Variants in KAZN observed in about 807,000 individuals in gnomAD.
KAZN encodes kazrin, periplakin interacting protein.
KAZN carries 40 observed loss-of-function variants against 87.4 expected under a neutral mutation model. The observed-to-expected ratio is 0.46, with a 90% CI of 0.36 to 0.60. The LOEUF (loss-of-function observed/expected upper bound fraction) is 0.60. Among genes scored for constraint, KAZN ranks in the 20% least tolerant of loss-of-function variants. The probability of loss-of-function intolerance (pLI) is 0.00; values close to 1 mark genes in which losing one functional copy is unlikely to be tolerated. For synonymous variants in KAZN, 466 were observed against 458.3 expected (o/e 1.02, Z -0.22); for missense variants, 898 against 1,073.9 (o/e 0.84, Z 2.29).
intron 1 of KAZN, among the ~76,000 whole-genome samples, chr1:13,916,958 G>A (rs1333741652): frequency 3.9e-5 from 6 of 152,144 alleles, no homozygotes; most frequent in African/African-American, 1.4e-4. Flanking sequence ...CATGCTCCCT[G>A]GGTAACCATG....
chr1:14,359,075 C>G (rs1244560163), intron 2 of KAZN, among the ~76,000 whole-genome samples: 1 of 152,126 alleles, frequency 6.6e-6, no homozygotes, highest in Non-Finnish European at 1.5e-5. Flanking sequence ...TTGTAGGTCT[C>G]TAAGAACTTG....
chr1:14,909,622 G>A lies in KAZN; in HGVS notation c.227-51062G>A, dbSNP rs1657015214. ...ACTCTTGCCCCAGAGACTCTGCAGT[G>A]CACCCCAGAGTGCCCTGCTCTTCAA... On this transcript the variant is annotated intron_variant, in intron 1 of 14. Coordinates refer to ENST00000376030, the MANE Select transcript of KAZN (RefSeq NM_201628.3). Among the ~76,000 whole-genome samples the A allele has an allele frequency of 3.3e-5, 5 of 152,278 alleles. No homozygotes were observed. The South Asian group carries it at 1.0e-3, about 32-fold the overall frequency.
chr1:14,775,514 T>C (rs578161049), intron 1 of KAZN, among the ~76,000 whole-genome samples: 1 of 152,342 alleles, frequency 6.6e-6, no homozygotes, highest in Admixed American at 6.5e-5. Context: ...CGCCTTGTGA[T>C]GTGGACACAG....
At chr1:14,227,661 A>T (rs1399572863) in intron 2 of KAZN, among the ~76,000 whole-genome samples, 1 of 152,172 alleles carries the variant, frequency 6.6e-6, no homozygotes, top group African/African-American at 2.4e-5. Context: ...GGAGGCAGAG[A>T]GGATGTGAGT....
intron 1 of KAZN, among the ~76,000 whole-genome samples, chr1:14,793,091 G>A (rs920963920): frequency 6.6e-6 from 1 of 152,140 alleles, no homozygotes; most frequent in Non-Finnish European, 1.5e-5. Flanking sequence ...AGGCGGTGGA[G>A]GCCACTGATG....
intron 1 of KAZN, among the ~76,000 whole-genome samples, chr1:14,810,971 C>G (rs367975668): frequency 1.5e-4 from 23 of 152,322 alleles, no homozygotes; most frequent in African/African-American, 5.5e-4. Flanking sequence ...AGACAACTTC[C>G]GTCTTTTCAG....
chr1:14,018,383 T>C (rs1640667947), intron 1 of KAZN, among the ~76,000 whole-genome samples: 1 of 152,088 alleles, frequency 6.6e-6, no homozygotes, highest in East Asian at 1.9e-4. Flanking sequence ...GAAGGAGGGG[T>C]CTTATCAATC....
intron 2 of KAZN, among the ~76,000 whole-genome samples, chr1:14,985,879 T>C (rs1024283189): frequency 1.3e-5 from 2 of 151,746 alleles, no homozygotes; most frequent in African/African-American, 4.8e-5. Context: ...GGCACATGCC[T>C]GTAATCCCAG....
chr1:14,725,523 T>C (rs904542386), intron 1 of KAZN, among the ~76,000 whole-genome samples: 2 of 151,424 alleles, frequency 1.3e-5, no homozygotes, highest in African/African-American at 2.4e-5. Context: ...TCCCAGCATA[T>C]AGCAGACACT....
chr1:14,985,731 C>T (rs909150144), intron 2 of KAZN, among the ~76,000 whole-genome samples: 1 of 151,798 alleles, frequency 6.6e-6, no homozygotes, highest in Non-Finnish European at 1.5e-5. Context: ...GTGCCAGGCA[C>T]GGTGGCCCAT....
intron 2 of KAZN, among the ~76,000 whole-genome samples, chr1:14,331,137 C>G (rs1656828984): frequency 6.6e-6 from 1 of 152,130 alleles, no homozygotes; most frequent in Non-Finnish European, 1.5e-5. Context: ...TAGGAAAGTC[C>G]TGGTGGCCCC....
chr1:13,971,268 C>T (rs929826634), intron 1 of KAZN, among the ~76,000 whole-genome samples: 3 of 152,320 alleles, frequency 2.0e-5, no homozygotes, highest in African/African-American at 7.2e-5. Context: ...GAACTGTTTA[C>T]ATAATCTTGA....
At chr1:14,734,002 C>T (rs1050699542) in intron 1 of KAZN, among the ~76,000 whole-genome samples, 1 of 152,136 alleles carries the variant, frequency 6.6e-6, no homozygotes, top group Non-Finnish European at 1.5e-5. Flanking sequence ...CCAGGATGCC[C>T]TTCATCTGGA....
chr1:15,035,317 T>TAA (rs1672152809), intron 3 of KAZN, among the ~76,000 whole-genome samples: 1 of 152,192 alleles, frequency 6.6e-6, no homozygotes, highest in Non-Finnish European at 1.5e-5. Flanking sequence ...AGCTAACATT[T>TAA]ACTAACACCA....
chr1:14,384,369 A>T (rs1368103810), intron 2 of KAZN, among the ~76,000 whole-genome samples: 9 of 152,150 alleles, frequency 5.9e-5, no homozygotes. Context: ...AGGAGTGGTG[A>T]GAGGGGGCAT....
chr1:14,513,849 T>C (rs1671048642), intron 2 of KAZN, among the ~76,000 whole-genome samples: 1 of 152,132 alleles, frequency 6.6e-6, no homozygotes, highest in South Asian at 2.1e-4. Flanking sequence ...TTTTCCGCAT[T>C]AATGTAGCAG....
At chr1:14,649,911 G>A (rs1202425226) in intron 1 of KAZN, among the ~76,000 whole-genome samples, 1 of 152,016 alleles carries the variant, frequency 6.6e-6, no homozygotes, top group African/African-American at 2.4e-5. Context: ...GAAAGTAAAG[G>A]TTAGGGAGAC....
chr1:13,898,467 G>A (rs911979971), intron 1 of KAZN, among the ~76,000 whole-genome samples: 1 of 152,184 alleles, frequency 6.6e-6, no homozygotes, highest in African/African-American at 2.4e-5. Context: ...CGTTTCATGT[G>A]GGCAGAAAGC....
intron 2 of KAZN, among the ~76,000 whole-genome samples, chr1:14,267,464 G>A (rs1047208677): frequency 1.3e-5 from 2 of 151,964 alleles, no homozygotes; most frequent in Non-Finnish European, 1.5e-5. Flanking sequence ...GCAGCCCATG[G>A]GCCAAGGATT....
Sources: allele counts gnomAD v4.1 joint callset (sites outside exome capture counted in the v4.1 genomes callset), GRCh38; gene constraint gnomAD v4.1.1; transcripts MANE v1.5; gene names NCBI Gene and HGNC (gene_info 2026-07-23, HGNC 2026-07-21).